ROR1: variants seen among roughly 807,000 people sequenced by gnomAD.
ROR1 encodes the protein inactive tyrosine-protein kinase transmembrane receptor ROR1.
ROR1 carries 19 observed loss-of-function variants against 78.8 expected under a neutral mutation model. That is an observed-to-expected ratio of 0.24 (90% CI 0.17 to 0.35). The LOEUF is 0.35. Ranked by LOEUF, ROR1 falls within the 10% of genes least tolerant of loss-of-function variation. The pLI is 1.00. For synonymous variants in ROR1, 386 were observed against 433.6 expected (o/e 0.89, Z 1.36); for missense variants, 917 against 1,177.8 (o/e 0.78, Z 3.24).
intron 1 of ROR1, among the ~76,000 whole-genome samples, chr1:63,854,088 T>C (rs1645133320): frequency 6.6e-6 from 1 of 152,232 alleles, no homozygotes; most frequent in Admixed American, 6.5e-5. Flanking sequence ...CTTTGTATAT[T>C]GCATAGTGCA....
intron 4 of ROR1, among the ~76,000 whole-genome samples, chr1:64,135,021 A>T (rs1400229864): frequency 1.3e-5 from 2 of 151,938 alleles, no homozygotes; most frequent in Non-Finnish European, 2.9e-5. Flanking sequence ...TGTGCTGCCA[A>T]GGCGATTCTC....
intron 1 of ROR1, among the ~76,000 whole-genome samples, chr1:63,776,775 C>G (rs529297086): frequency 4.3e-4 from 65 of 152,260 alleles, no homozygotes; most frequent in African/African-American, 1.6e-3. Flanking sequence ...TCTCTCTTCT[C>G]TCACCATACT....
At chr1:64,006,393 C>T (rs893412236) in intron 1 of ROR1, among the ~76,000 whole-genome samples, 1 of 152,116 alleles carries the variant, frequency 6.6e-6, no homozygotes, top group African/African-American at 2.4e-5. Flanking sequence ...AAAACAAGGG[C>T]TGTCATTATT....
chr1:63,781,754 G>C (rs1644652905), intron 1 of ROR1, among the ~76,000 whole-genome samples: 1 of 152,234 alleles, frequency 6.6e-6, no homozygotes, highest in Admixed American at 6.5e-5. Flanking sequence ...TATGTAGCCA[G>C]TGAGAGGCCT....
intron 4 of ROR1, among the ~76,000 whole-genome samples, chr1:64,060,097 A>C (rs1646905595): frequency 6.6e-6 from 1 of 152,188 alleles, no homozygotes; most frequent in Admixed American, 6.5e-5. Context: ...AATGAATTTA[A>C]GTTTTCTTTC....
At chr1:63,972,950 ACCT>A (rs1260477633) in intron 1 of ROR1, among the ~76,000 whole-genome samples, 1 of 152,208 alleles carries the variant, frequency 6.6e-6, no homozygotes. Flanking sequence ...GTTACCACTA[ACCT>A]CCTTGAAATG....
At chr1:64,113,870 G>A (rs1354484817) in intron 4 of ROR1, 1 of 151,762 alleles carries the variant, frequency 6.6e-6, no homozygotes, top group Non-Finnish European at 1.5e-5. Context: ...TTTGGAATCT[G>A]ACAGATCTGG....
At chr1:63,886,989 T>C (rs1176248141) in intron 1 of ROR1, among the ~76,000 whole-genome samples, 3 of 152,234 alleles carry the variant, frequency 2.0e-5, no homozygotes, top group Non-Finnish European at 4.4e-5. Context: ...TTCCACACTC[T>C]GTCCTCCTCC....
At chr1:64,156,416 T>C (rs1649772914) in intron 7 of ROR1, among the ~76,000 whole-genome samples, 1 of 152,164 alleles carries the variant, frequency 6.6e-6, no homozygotes. Flanking sequence ...GGGTTATATA[T>C]TTACCTGTAA....
rs1645121319 is a variant in ROR1 at position 63,852,625 on chromosome 1, C to T, written c.91+78117C>T. Among the ~76,000 whole-genome samples the T allele has an allele frequency of 2.6e-5, 4 of 152,262 alleles. No individual in the cohort carries two copies. The Middle Eastern group carries it at 0.014, about 518-fold the overall frequency. ...ATTAATTGTCCAGAAGAGGAAGAAACCTTTGTAGACACTCACTAATGCAAA... is the reference window on the plus strand; with the variant it reads ...ATTAATTGTCCAGAAGAGGAAGAAATCTTTGTAGACACTCACTAATGCAAA... On this transcript the variant is annotated intron_variant, in intron 1 of 8. Coordinates refer to ENST00000371079, the MANE Select transcript of ROR1 (RefSeq NM_005012.4).
intron 1 of ROR1, among the ~76,000 whole-genome samples, chr1:63,954,763 A>C (rs1645967949): frequency 6.6e-6 from 1 of 152,180 alleles, no homozygotes; most frequent in Non-Finnish European, 1.5e-5. Context: ...AGTATATGGG[A>C]GCGTGTGCAT....
At chr1:64,139,145 C>T (rs370504094) in intron 5 of ROR1, among the ~76,000 whole-genome samples, 13 of 118,666 alleles carry the variant, frequency 1.1e-4, no homozygotes, top group East Asian at 7.4e-4. Flanking sequence ...CCAGCCTGGG[C>T]GACAGAGTGA....
intron 1 of ROR1, among the ~76,000 whole-genome samples, chr1:63,949,087 G>A (rs1242315843): frequency 6.6e-6 from 1 of 152,178 alleles, no homozygotes; most frequent in Admixed American, 6.5e-5. Flanking sequence ...GAACTGCAGT[G>A]AGCCAGGTGT....
intron 4 of ROR1, among the ~76,000 whole-genome samples, chr1:64,120,498 T>G (rs1461365457): frequency 6.6e-6 from 1 of 152,186 alleles, no homozygotes; most frequent in Non-Finnish European, 1.5e-5. Flanking sequence ...GAATGAGATA[T>G]TTTACTCTTT....
At chr1:63,986,900 AAAAG>A (rs1557596372) in intron 1 of ROR1, among the ~76,000 whole-genome samples, 1 of 152,064 alleles carries the variant, frequency 6.6e-6, no homozygotes, top group Non-Finnish European at 1.5e-5. Context: ...TCAAAAAAAA[AAAAG>A]AAAAAAGGAA....
At chr1:64,148,517 G>A (rs1196495750) in intron 7 of ROR1, among the ~76,000 whole-genome samples, 2 of 152,136 alleles carry the variant, frequency 1.3e-5, no homozygotes, top group Non-Finnish European at 2.9e-5. Context: ...GAATCTCCAT[G>A]GGGTTTCTCA....
chr1:64,115,612 G>GTATATATATA (rs143560709), intron 4 of ROR1, among the ~76,000 whole-genome samples: 10 of 148,726 alleles, frequency 6.7e-5, no homozygotes, highest in African/African-American at 2.0e-4. Flanking sequence ...ATATATATGT[G>GTATATATATA]TATATATATA....
At chr1:64,034,040 T>A (rs183042105) in intron 2 of ROR1, among the ~76,000 whole-genome samples, 7 of 152,332 alleles carry the variant, frequency 4.6e-5, no homozygotes, top group African/African-American at 9.6e-5. Flanking sequence ...GCTGGAGCAG[T>A]GTCCAAGTAG....
In ROR1 at chr1:63,831,961, T is replaced by TA. The variant is rs1190898977; in HGVS notation, c.91+57454dup. 3.3e-5 allele frequency among the ~76,000 whole-genome samples: 5 copies of TA among 152,214 alleles called. No homozygotes were observed. In the East Asian group the frequency reaches 9.6e-4, roughly 29 times the overall value. On this transcript the variant is annotated intron_variant, in intron 1 of 8. Coordinates refer to ENST00000371079, the MANE Select transcript of ROR1 (RefSeq NM_005012.4). ...CTGCTTGGAAATTTCTTCTGCCAGA[T>TA]ATCCAAACCATCTCTCTCAAGTTTA...
Sources: allele counts gnomAD v4.1 joint callset (sites outside exome capture counted in the v4.1 genomes callset), GRCh38; gene constraint gnomAD v4.1.1; transcripts MANE v1.5; gene names NCBI Gene and HGNC (gene_info 2026-07-23, HGNC 2026-07-21).